Variants in APLP2 observed in about 807,000 individuals in gnomAD.
APLP2 encodes CDEI box-binding protein.
APLP2 carries 53 observed loss-of-function variants against 89.9 expected under a neutral mutation model. The observed-to-expected ratio is 0.59, with a 90% CI of 0.47 to 0.74. The LOEUF (loss-of-function observed/expected upper bound fraction) is 0.74. APLP2 is among the 30% of genes least tolerant of loss of function. The probability of loss-of-function intolerance (pLI) is 0.00; values close to 1 mark genes in which losing one functional copy is unlikely to be tolerated. For missense variants in APLP2, 973 were observed against 975.9 expected, an observed-to-expected ratio of 1.00 and a Z score of 0.04; for synonymous variants, 372 against 348.6, an observed-to-expected ratio of 1.07 and a Z score of -0.75.
chr11:130,123,646 C>T lies in APLP2; in HGVS notation c.957C>T (p.Cys319=). 1 of 1,614,180 alleles carries T rather than the reference C, an allele frequency of 6.2e-7. No homozygotes were observed. Among genetic ancestry groups the T allele is most frequent in the Non-Finnish European group, 8.5e-7 (1 of 1,179,998 alleles). The change falls in exon 7 of 17, where the codon TGC becomes TGT. Residue 319 remains cysteine (C), a synonymous_variant. Coordinates refer to ENST00000338167, the MANE Select transcript of APLP2 (RefSeq NM_001142276.2). The surrounding 1 kb of genome is among the most constrained non-coding windows in gnomAD (Gnocchi z 4.0). ...CCCAGGAGGCGATGACGGGGCCCTG[C>T]CGGGCCGTGATGCCTCGTTGGTACT... The part of the protein sequence containing the change: ...VCSQEAMTGP[C]RAVMPRWYFD...
chr11:130,104,879 G>A (rs1947443896), intron 1 of APLP2, among the ~76,000 whole-genome samples: 1 of 152,172 alleles, frequency 6.6e-6, no homozygotes, highest in South Asian at 2.1e-4. Context: ...TTCCAAATTA[G>A]CTTTCTCCCA....
intron 1 of APLP2, among the ~76,000 whole-genome samples, chr11:130,108,347 T>C (rs1948078958): frequency 6.6e-6 from 1 of 151,598 alleles, no homozygotes; most frequent in Admixed American, 6.5e-5. Flanking sequence ...TACAAATAAC[T>C]TAAACAAATT....
At chr11:130,093,214 C>A (rs1289634375) in intron 1 of APLP2, among the ~76,000 whole-genome samples, 1 of 152,196 alleles carries the variant, frequency 6.6e-6, no homozygotes, top group African/African-American at 2.4e-5. Flanking sequence ...AGGAAACTTC[C>A]AGAAACTTCC....
intron 1 of APLP2, among the ~76,000 whole-genome samples, chr11:130,076,344 G>T (rs1036951677): frequency 3.3e-5 from 5 of 152,146 alleles, no homozygotes; most frequent in Non-Finnish European, 5.9e-5. Flanking sequence ...CAAAGTGCTG[G>T]GATTACAGGC....
chr11:130,091,794 T>C (rs113311793), intron 1 of APLP2, among the ~76,000 whole-genome samples: 8,820 of 136,708 alleles, frequency 0.065, 24 homozygotes, highest in African/African-American at 0.14. Flanking sequence ...CCCTCCCGGA[T>C]GGGGCGGCTG....
chr11:130,140,265 G>A, intron 13 of APLP2, 133 bp from the exon 14 acceptor site: 1 of 574,204 alleles, frequency 1.7e-6, no homozygotes, highest in Non-Finnish European at 3.1e-6. Context: ...TGTGAACATG[G>A]TGGCAGATGA....
intron 4 of APLP2, 44 bp from the exon 5 acceptor site, chr11:130,121,570 T>G (rs1418016236): frequency 1.3e-6 from 2 of 1,552,248 alleles, no homozygotes; most frequent in Non-Finnish European, 1.7e-6. Context: ...TTGACCACGT[T>G]TACTCTGGAG....
Position 130,130,260 on chromosome 11 carries a change from A to G in APLP2, c.1584+94A>G, listed in dbSNP as rs114002660. 4.4e-4 allele frequency: 676 copies of G among 1,524,426 alleles called. 6 individuals carry two copies. In the African/African-American group the frequency reaches 8.6e-3, roughly 19 times the overall value. 94.4% of individuals were successfully genotyped at this position (1,524,426 alleles called of 1,614,324 possible). On this transcript the variant is annotated intron_variant, in intron 11 of 16. Coordinates refer to ENST00000338167, the MANE Select transcript of APLP2 (RefSeq NM_001142276.2). Reference sequence around the variant, plus strand: ...ATGGTTGACCAGCACTGCTAGTTGCATTTGCTACTAGTCCTTAGAAAATGA... The same window carrying G: ...ATGGTTGACCAGCACTGCTAGTTGCGTTTGCTACTAGTCCTTAGAAAATGA...
At chr11:130,131,303 T>C (rs1351569350) in intron 11 of APLP2, among the ~76,000 whole-genome samples, 1 of 152,232 alleles carries the variant, frequency 6.6e-6, no homozygotes, top group Non-Finnish European at 1.5e-5. Flanking sequence ...TTCACCATAT[T>C]GGCCAGGCTG....
At chr11:130,073,593 A>T (rs1240564810) in intron 1 of APLP2, among the ~76,000 whole-genome samples, 1 of 152,234 alleles carries the variant, frequency 6.6e-6, no homozygotes, top group Admixed American at 6.5e-5. Flanking sequence ...CTGTAATCCT[A>T]GCACTTTGGG....
At position 130,070,102 on chromosome 11, in the gene APLP2, C is replaced by G. The variant is rs559406582; in HGVS notation, c.105+20C>G. 8 of 1,369,614 alleles carry G rather than the reference C, an allele frequency of 5.8e-6. No individual in the cohort carries two copies. The highest frequency in any genetic ancestry group is 3.1e-5 in the East Asian group (1 of 32,140). 84.8% of individuals were successfully genotyped at this position (1,369,614 alleles called of 1,614,324 possible). ...ATCGAGGTGGGGACCGGGCGAACGC[C>G]GGAGAGTCGTCTCCTTCGCCCGCCG... On this transcript the variant is annotated intron_variant, in intron 1 of 16. Coordinates refer to ENST00000338167, the MANE Select transcript of APLP2 (RefSeq NM_001142276.2).
At chr11:130,134,799 G>A (rs1019309356) in intron 12 of APLP2, among the ~76,000 whole-genome samples, 4 of 152,188 alleles carry the variant, frequency 2.6e-5, no homozygotes, top group Admixed American at 6.5e-5. Flanking sequence ...CCAGGGCTGC[G>A]TGTGGGGTTG....
At chr11:130,078,978 T>G (rs1015975781) in intron 1 of APLP2, among the ~76,000 whole-genome samples, 1 of 152,198 alleles carries the variant, frequency 6.6e-6, no homozygotes, top group Non-Finnish European at 1.5e-5. Context: ...CAAAACAGCT[T>G]CTTGTTAGAA....
At position 130,123,026 on chromosome 11, in the gene APLP2, C is replaced by G. The variant is rs956021227; in HGVS notation, c.922+513C>G. 6.6e-6 allele frequency among the ~76,000 whole-genome samples: 1 copy of G among 151,166 alleles called. No homozygotes were observed. Among genetic ancestry groups the G allele is most frequent in the Non-Finnish European group, 1.5e-5 (1 of 67,876 alleles). On this transcript the variant is annotated intron_variant, in intron 6 of 16. Transcript: ENST00000338167. This position sits in a 1 kb window ranked among gnomAD's most constrained non-coding sequence, Gnocchi z 4.0. ...TTTTCTCATCTTGCCAATTAAAACA[C>G]GAAAAGGTTGCAGTAGTTCCAGAGC...
At position 130,113,848 on chromosome 11, in the gene APLP2, G is replaced by A. The variant is rs76155201; in HGVS notation, c.403+3187G>A. On this transcript the variant is annotated intron_variant, in intron 3 of 16. Transcript: ENST00000338167. ...AGAATGGTTACAAAAATGGCACAGAGTTCCTCTGTGTACCCTTCACCCAGA... is the reference window on the plus strand; with the variant it reads ...AGAATGGTTACAAAAATGGCACAGAATTCCTCTGTGTACCCTTCACCCAGA... 8.6e-3 allele frequency among the ~76,000 whole-genome samples: 1,312 copies of A among 152,246 alleles called. 86 individuals are homozygous for A. In the East Asian group the frequency reaches 0.19, roughly 22 times the overall value.
rs993960824 is a variant in APLP2, at chr11:130,143,505, C to G, written c.*57C>G. 7 of 1,432,740 alleles carry G rather than the reference C, an allele frequency of 4.9e-6. No individual in the cohort carries two copies. In the East Asian group the frequency reaches 1.6e-4, roughly 33 times the overall value. The allele number at this position is 1,432,740 out of a possible 1,614,324, so 88.8% of individuals were successfully genotyped here. On this transcript the variant is annotated 3_prime_UTR_variant, in exon 17 of 17. Coordinates refer to ENST00000338167, the MANE Select transcript of APLP2 (RefSeq NM_001142276.2). ...GATGCAGGTGGGCCGGAAGATCCCACGATTCCGATCGACTGCCAAGCAGCA... is the reference window on the plus strand; with the variant it reads ...GATGCAGGTGGGCCGGAAGATCCCAGGATTCCGATCGACTGCCAAGCAGCA...
chr11:130,101,717 A>G (rs898765188), intron 1 of APLP2, among the ~76,000 whole-genome samples: 9 of 152,324 alleles, frequency 5.9e-5, no homozygotes, highest in Admixed American at 4.6e-4. Context: ...GAGTTCCCCT[A>G]TACTGTAACC....
intron 13 of APLP2, among the ~76,000 whole-genome samples, chr11:130,137,509 C>CTCG (rs1173234510): frequency 6.6e-6 from 1 of 152,196 alleles, no homozygotes; most frequent in Non-Finnish European, 1.5e-5. Context: ...TGTTGGTTAC[C>CTCG]TCGTGGTCAT....
intron 14 of APLP2, chr11:130,140,994 C>T (rs1952302088): frequency 6.5e-6 from 1 of 154,132 alleles, no homozygotes; most frequent in African/African-American, 2.4e-5. Context: ...GCAAGCTCCA[C>T]CTCCCGGGTT....
Sources: gnomAD v4.1 joint callset for allele counts (sites outside exome capture counted in the v4.1 genomes callset) on GRCh38, gnomAD v4.1.1 for gene constraint, Gnocchi (gnomAD v3.1) non-coding constraint, MANE v1.5 for transcripts, NCBI Gene and HGNC (gene_info 2026-07-23, HGNC 2026-07-21) for gene names.